SIK2: variants seen among roughly 807,000 people sequenced by gnomAD.
SIK2 encodes the protein serine/threonine-protein kinase SIK2.
A neutral mutation model predicts 103.2 loss-of-function variants in SIK2; 29 were observed. The observed-to-expected ratio is 0.28, with a 90% CI of 0.21 to 0.38. The LOEUF is 0.38. Ranked by LOEUF, SIK2 falls within the 10% of genes least tolerant of loss-of-function variation. The pLI is 1.00. For missense variants in SIK2, 879 were observed against 1,171.0 expected (o/e 0.75, Z 3.64); for synonymous variants, 412 against 446.1 (o/e 0.92, Z 0.96).
At chr11:111,631,957 A>G (rs1942046120) in intron 3 of SIK2, among the ~76,000 whole-genome samples, 2 of 152,196 alleles carry the variant, frequency 1.3e-5, no homozygotes, top group Admixed American at 1.3e-4. Context: ...TGTTCAGTTA[A>G]TTATATTGTA....
chr11:111,653,356 A>AG (rs920835846), intron 3 of SIK2, among the ~76,000 whole-genome samples: 1 of 152,254 alleles, frequency 6.6e-6, no homozygotes, highest in Non-Finnish European at 1.5e-5. Context: ...CCATAGATTG[A>AG]GAAAAACAAC....
intron 3 of SIK2, among the ~76,000 whole-genome samples, chr11:111,650,469 A>G (rs1942313470): frequency 6.6e-6 from 1 of 152,152 alleles, no homozygotes; most frequent in South Asian, 2.1e-4. Context: ...CATTTAAAAA[A>G]TATTTATTGT....
At chr11:111,696,280 C>A (rs1035615382) in intron 4 of SIK2, among the ~76,000 whole-genome samples, 4 of 152,056 alleles carry the variant, frequency 2.6e-5, no homozygotes, top group Non-Finnish European at 5.9e-5. Context: ...AATGTTAAGT[C>A]TGTAGTTTAA....
At chr11:111,712,110 C>T (rs1172190272) in intron 8 of SIK2, 101 bp from the exon 9 acceptor site, 4 of 1,211,776 alleles carry the variant, frequency 3.3e-6, no homozygotes, top group Non-Finnish European at 4.7e-6. Flanking sequence ...AATATTCATT[C>T]TTTAATTGCC....
In SIK2 at chr11:111,602,557, G is replaced by A. The variant is rs781519316; in HGVS notation, c.-7G>A. 7.3e-6 allele frequency: 11 copies of A among 1,512,546 alleles called. No individual in the cohort carries two copies. In the South Asian group the frequency reaches 1.2e-4, roughly 17 times the overall value. The allele number at this position is 1,512,546 out of a possible 1,614,324, so 93.7% of individuals were successfully genotyped here. A position where few individuals can be genotyped will look rare whatever the true frequency, so the allele number is the denominator to read the frequency against. On this transcript the variant is annotated 5_prime_UTR_variant, in exon 1 of 15. Transcript: ENST00000304987. This position sits in a 1 kb window ranked among gnomAD's most constrained non-coding sequence, Gnocchi z 4.5. ...CCTGTCCGCCGTGTCTAGCAGCGGGGCCCAGCATGGTCATGGCGGATGGCC... is the reference window on the plus strand; with the variant it reads ...CCTGTCCGCCGTGTCTAGCAGCGGGACCCAGCATGGTCATGGCGGATGGCC...
chr11:111,690,542 A>G (rs959548136), intron 4 of SIK2, among the ~76,000 whole-genome samples: 1 of 151,918 alleles, frequency 6.6e-6, no homozygotes, highest in African/African-American at 2.4e-5. Flanking sequence ...TGTTGCACCT[A>G]TCAACTCGTC....
intron 1 of SIK2, among the ~76,000 whole-genome samples, chr11:111,608,337 ATTTAT>A (rs1469660424): frequency 6.6e-6 from 1 of 152,196 alleles, no homozygotes; most frequent in Non-Finnish European, 1.5e-5. Flanking sequence ...CAATACTAAA[ATTTAT>A]TTTAAGTTCT....
At chr11:111,666,907 C>T (rs1468111505) in intron 3 of SIK2, among the ~76,000 whole-genome samples, 1 of 151,880 alleles carries the variant, frequency 6.6e-6, no homozygotes. Flanking sequence ...CTCTGTATTA[C>T]AGTTCCAAGA....
chr11:111,722,735 A>C lies in SIK2; in HGVS notation c.2126A>C (p.Glu709Ala). Residue 709 changes from glutamate to alanine, a missense_variant, in exon 14 of 15, where the codon GAG (glutamate) becomes GCG (alanine). By Grantham distance (107) the Glu-to-Ala change is moderately radical. Around this residue, in one of 7 missense-constraint regions of SIK2, gnomAD observed 375 missense variants for 416.3 expected, o/e 0.90. Transcript: ENST00000304987. This position sits in a 1 kb window ranked among gnomAD's most constrained non-coding sequence, Gnocchi z 4.4. ...TGCAAAGAACCACCGCGGAGCCTTG[A>C]GCAGCAGCTGCAGGAACATAGGTGA... Reference protein sequence around the residue: ...LYCKEPPRSLEQQLQEHRLQQ... With the variant: ...LYCKEPPRSLAQQLQEHRLQQ... The C allele has an allele frequency of 6.2e-7, 1 of 1,614,124 alleles. No homozygotes were observed. Among genetic ancestry groups the C allele is most frequent in the South Asian group, 1.1e-5 (1 of 91,064 alleles).
intron 1 of SIK2, among the ~76,000 whole-genome samples, chr11:111,616,037 A>G (rs1461338545): frequency 6.6e-6 from 1 of 152,216 alleles, no homozygotes; most frequent in Non-Finnish European, 1.5e-5. Flanking sequence ...TAGCACACTA[A>G]AGACACTGCC....
At chr11:111,695,528 A>G (rs961609194) in intron 4 of SIK2, among the ~76,000 whole-genome samples, 1 of 152,218 alleles carries the variant, frequency 6.6e-6, no homozygotes, top group African/African-American at 2.4e-5. Flanking sequence ...GTAAACATTG[A>G]CAAACTGTTT....
chr11:111,614,707 C>A (rs1160350571), intron 1 of SIK2, among the ~76,000 whole-genome samples: 1 of 152,096 alleles, frequency 6.6e-6, no homozygotes, highest in Non-Finnish European at 1.5e-5. Context: ...ACAGTTAAAT[C>A]CCATGTTGTT....
At chr11:111,641,799 A>T (rs1231507953) in intron 3 of SIK2, among the ~76,000 whole-genome samples, 1 of 151,982 alleles carries the variant, frequency 6.6e-6, no homozygotes, top group Non-Finnish European at 1.5e-5. Context: ...GTTATTCCCT[A>T]TGTGTACCGT....
rs1311663376 is a variant in SIK2, at chr11:111,644,315, AAAAAG to A, written c.316+23922_316+23926del. On this transcript the variant is annotated intron_variant, in intron 3 of 14. Transcript: ENST00000304987. ...AAAAAAAAAAAAAAAGAAAGAAAGA[AAAAAG>A]AAAAGAAAGAGAAATCCGAAATCCT... 1.6e-3 allele frequency among the ~76,000 whole-genome samples: 249 copies of A among 151,724 alleles called. 3 individuals carry two copies. Among genetic ancestry groups the A allele is most frequent in the African/African-American group, 5.8e-3 (240 of 41,466 alleles).
At chr11:111,647,809 A>C (rs972829101) in intron 3 of SIK2, among the ~76,000 whole-genome samples, 5 of 151,004 alleles carry the variant, frequency 3.3e-5, no homozygotes, top group African/African-American at 1.2e-4. Context: ...CGGAGCTTGC[A>C]GTGAGCTGAG....
chr11:111,627,567 G>A (rs1318559680), intron 3 of SIK2, among the ~76,000 whole-genome samples: 2 of 152,080 alleles, frequency 1.3e-5, no homozygotes, highest in African/African-American at 2.4e-5. Flanking sequence ...GCAGATAAGC[G>A]GGGACTACTG....
chr11:111,722,000 A>T, intron 13 of SIK2, 60 bp downstream of exon 13: 1 of 1,342,786 alleles, frequency 7.4e-7, no homozygotes, highest in Non-Finnish European at 1.0e-6. Context: ...GTTCTTCTGC[A>T]AAGCAGAAAC....
chr11:111,698,096 G>A (rs1193909266), intron 4 of SIK2, among the ~76,000 whole-genome samples: 1 of 152,176 alleles, frequency 6.6e-6, no homozygotes, highest in Admixed American at 6.5e-5. Flanking sequence ...AGCTTAGTGA[G>A]CCTGTCTTTC....
intron 3 of SIK2, among the ~76,000 whole-genome samples, chr11:111,666,215 A>G (rs1281310148): frequency 6.6e-6 from 1 of 152,206 alleles, no homozygotes. Flanking sequence ...TAGTTACCGT[A>G]GGGTTTCTGT....
Sources: allele counts gnomAD v4.1 joint callset (sites outside exome capture counted in the v4.1 genomes callset), GRCh38; gene constraint gnomAD v4.1.1; regional missense constraint gnomAD v4.1.1; non-coding constraint Gnocchi (gnomAD v3.1); transcripts MANE v1.5; gene names NCBI Gene and HGNC (gene_info 2026-07-23, HGNC 2026-07-21).